The following RGPD4 variants were observed in gnomAD, a reference collection of about 807,000 sequenced individuals.
RGPD4 encodes the protein RANBP2 like and GRIP domain containing 4.
RGPD4 carries 84 observed loss-of-function variants against 141.1 expected under a neutral mutation model. The observed-to-expected ratio is 0.60, with a 90% CI of 0.50 to 0.71. The LOEUF (loss-of-function observed/expected upper bound fraction) is 0.71, where lower values mean the gene tolerates loss of function less well. Among genes scored for constraint, RGPD4 ranks in the 30% least tolerant of loss-of-function variants. The pLI, the probability that RGPD4 is intolerant of heterozygous loss-of-function variation, is 0.00. For synonymous variants in RGPD4, 298 were observed against 566.8 expected (o/e 0.53, Z 6.74); for missense variants, 918 against 1,622.4 (o/e 0.57, Z 7.46).
chr2:107,885,271 C>T (rs1476961140), intron 22 of RGPD4, among the ~76,000 whole-genome samples: 1 of 152,038 alleles, frequency 6.6e-6, no homozygotes, highest in Non-Finnish European at 1.5e-5. Context: ...ACAGAAATCT[C>T]AAAATTATAA....
At chr2:107,855,573 T>G (rs1474331101) in intron 8 of RGPD4, among the ~76,000 whole-genome samples, 1 of 151,290 alleles carries the variant, frequency 6.6e-6, no homozygotes, top group African/African-American at 2.4e-5. Flanking sequence ...GAGACACAAC[T>G]GTGTAGTGGT....
At position 107,872,764 on chromosome 2, in the gene RGPD4, C is replaced by A. The variant is rs772633794; in HGVS notation, c.4760C>A (p.Ser1587Ter). The A allele has an allele frequency of 6.2e-7, 1 of 1,611,282 alleles. No homozygotes were observed. Among genetic ancestry groups the A allele is most frequent in the Non-Finnish European group, 8.5e-7 (1 of 1,179,842 alleles). ...SLKSNNSETS[S>*]VAQSGSESKV... ...AAAAGTAACAACAGTGAAACTAGTTCAGTAGCCCAGAGTGGATCTGAAAGC... is the reference window on the plus strand; with the variant it reads ...AAAAGTAACAACAGTGAAACTAGTTAAGTAGCCCAGAGTGGATCTGAAAGC... Residue 1587 changes from serine (S) to a stop codon, truncating the protein, a stop_gained, in exon 20 of 23, where the codon TCA becomes TAA. Coordinates refer to ENST00000408999, the MANE Select transcript of RGPD4 (RefSeq NM_182588.3). LOFTEE classifies it high-confidence loss of function.
At chr2:107,857,511 C>G (rs375766194) in intron 9 of RGPD4, among the ~76,000 whole-genome samples, 10 of 150,810 alleles carry the variant, frequency 6.6e-5, no homozygotes, top group South Asian at 2.1e-4. Context: ...TAGGTCACTG[C>G]TGCCTTGAAC....
Position 107,871,163 on chromosome 2 carries a change from A to G in RGPD4, c.3159A>G (p.Gly1053=). The change falls in exon 20 of 23, where the codon GGA becomes GGG. Residue 1053 remains glycine, a synonymous_variant. Coordinates refer to ENST00000408999, the MANE Select transcript of RGPD4 (RefSeq NM_182588.3). ...CTGAAAAAGTAGAACTTGTAATAGGAGAAGAAGGTGAAAAAGTTCTGTATT... is the reference window on the plus strand; with the variant it reads ...CTGAAAAAGTAGAACTTGTAATAGGGGAAGAAGGTGAAAAAGTTCTGTATT... ...QMPEKVELVI[G]EEGEKVLYSQ... is the part of the protein sequence containing the mutation. The G allele has an allele frequency of 6.2e-7, 1 of 1,610,652 alleles. No homozygotes were observed. Among genetic ancestry groups the G allele is most frequent in the South Asian group, 1.1e-5 (1 of 90,942 alleles).
At chr2:107,880,144 A>C (rs1216043664) in intron 21 of RGPD4, 37 bp downstream of exon 21, 2 of 1,611,140 alleles carry the variant, frequency 1.2e-6, no homozygotes, top group Non-Finnish European at 1.7e-6. Context: ...GAAAACTGCC[A>C]ATTTGGTTTT....
At chr2:107,833,786 C>A (rs1681576105) in intron 1 of RGPD4, among the ~76,000 whole-genome samples, 2 of 152,132 alleles carry the variant, frequency 1.3e-5, no homozygotes, top group South Asian at 4.1e-4. Context: ...CGCCTGTAAT[C>A]CCAGCATTTT....
intron 20 of RGPD4, among the ~76,000 whole-genome samples, chr2:107,878,506 A>G (rs1000733399): frequency 6.6e-6 from 1 of 151,636 alleles, no homozygotes; most frequent in Non-Finnish European, 1.5e-5. Context: ...CTGTCTAAAT[A>G]TGTTCTTCTT....
At chr2:107,874,159 G>A (rs1343202466) in intron 20 of RGPD4, among the ~76,000 whole-genome samples, 1 of 151,136 alleles carries the variant, frequency 6.6e-6, no homozygotes, top group African/African-American at 2.5e-5. Context: ...TTTATCTAAT[G>A]TTTATGTTTA....
intron 1 of RGPD4, among the ~76,000 whole-genome samples, chr2:107,830,147 G>A (rs375244302): frequency 1.7e-4 from 25 of 151,304 alleles, no homozygotes; most frequent in African/African-American, 5.4e-4. Flanking sequence ...CCCCATCCCC[G>A]CCCAGAAGAC....
intron 22 of RGPD4, among the ~76,000 whole-genome samples, chr2:107,883,801 T>A (rs1675435727): frequency 6.6e-6 from 1 of 152,112 alleles, no homozygotes. Context: ...TGTTTTAGTT[T>A]TAAATTACTT....
chr2:107,880,923 T>C (rs1353633681), intron 21 of RGPD4, among the ~76,000 whole-genome samples: 2 of 151,618 alleles, frequency 1.3e-5, no homozygotes, highest in Admixed American at 6.6e-5. Context: ...CCTCAGAATA[T>C]AGTCATACTG....
chr2:107,854,244 A>T (rs1464843478), intron 7 of RGPD4, among the ~76,000 whole-genome samples: 1 of 143,670 alleles, frequency 7.0e-6, no homozygotes, highest in Non-Finnish European at 1.5e-5. Context: ...TTTTATTTTT[A>T]GTAGAGACTG....
intron 7 of RGPD4, among the ~76,000 whole-genome samples, chr2:107,850,875 C>T (rs1357780390): frequency 1.2e-4 from 2 of 16,946 alleles, no homozygotes; most frequent in African/African-American, 5.0e-4. Flanking sequence ...TCTCGATCTC[C>T]TGACCTCATG....
At chr2:107,828,002 G>C (rs111278550) in intron 1 of RGPD4, among the ~76,000 whole-genome samples, 2 of 56,322 alleles carry the variant, frequency 3.6e-5, no homozygotes, top group African/African-American at 8.2e-5. Context: ...CGGCGGCCTC[G>C]ACCCGGCCCG....
intron 22 of RGPD4, among the ~76,000 whole-genome samples, chr2:107,887,232 G>A (rs897103831): frequency 2.7e-5 from 4 of 150,108 alleles, no homozygotes; most frequent in East Asian, 1.9e-4. Context: ...TTTCAGCCTG[G>A]GCAACAGAGT....
Position 107,882,820 on chromosome 2 carries a change from C to T in RGPD4, c.5213C>T (p.Thr1738Met), listed in dbSNP as rs772240709. 46 of 1,610,690 alleles carry T rather than the reference C, an allele frequency of 2.9e-5. No homozygotes were observed. Among genetic ancestry groups the T allele is most frequent in the Middle Eastern group, 2.2e-4 (1 of 4,452 alleles). Residue 1738 changes from threonine to methionine, a missense_variant, in exon 22 of 23, where the codon ACG becomes ATG. Coordinates refer to ENST00000408999, the MANE Select transcript of RGPD4 (RefSeq NM_182588.3). ...ERERLLPVIN[T>M]MLQLSPEEKG... ...GAGAGACTTCTTCCTGTTATAAATACGATGTTGCAGCTCAGCCCTGAAGAA... is the reference window on the plus strand; with the variant it reads ...GAGAGACTTCTTCCTGTTATAAATATGATGTTGCAGCTCAGCCCTGAAGAA...
At chr2:107,880,227 T>C in intron 21 of RGPD4, 120 bp downstream of exon 21, 1 of 1,345,976 alleles carries the variant, frequency 7.4e-7, no homozygotes, top group East Asian at 2.3e-5. Context: ...TCTTGATCTT[T>C]ATATTAGATT....
chr2:107,831,638 C>T (rs1460123273), intron 1 of RGPD4, among the ~76,000 whole-genome samples: 1 of 111,570 alleles, frequency 9.0e-6, no homozygotes, highest in East Asian at 2.3e-4. Context: ...TGTAGTGGCG[C>T]GATCTCGGCT....
chr2:107,854,174 C>T (rs1242131056), intron 7 of RGPD4, among the ~76,000 whole-genome samples: 1 of 131,784 alleles, frequency 7.6e-6, no homozygotes, highest in Non-Finnish European at 1.6e-5. Context: ...TGTGCCTCAG[C>T]CTCCTGTGTA....
Sources: gnomAD v4.1 joint callset for allele counts (sites outside exome capture counted in the v4.1 genomes callset) on GRCh38, gnomAD v4.1.1 for gene constraint, MANE v1.5 for transcripts, NCBI Gene and HGNC (gene_info 2026-07-23, HGNC 2026-07-21) for gene names.